Variants in LMAN2 observed in about 807,000 individuals in gnomAD.
LMAN2 encodes the protein vesicular integral-membrane protein VIP36.
A neutral mutation model predicts 39.3 loss-of-function variants in LMAN2; 22 were observed. The observed-to-expected ratio is 0.56, with a 90% CI of 0.40 to 0.80. The LOEUF is 0.80. LMAN2 is among the 30% of genes least tolerant of loss of function. The pLI is 0.00. For missense variants in LMAN2, 494 were observed against 505.4 expected (o/e 0.98, Z 0.22); for synonymous variants, 207 against 207.8 (o/e 1.00, Z 0.03).
intron 2 of LMAN2, among the ~76,000 whole-genome samples, chr5:177,342,181 T>C (rs1761564253): frequency 1.3e-5 from 2 of 152,166 alleles, no homozygotes; most frequent in African/African-American, 4.8e-5. Flanking sequence ...CATGTGAATT[T>C]ATAATTATGT....
intron 6 of LMAN2, among the ~76,000 whole-genome samples, chr5:177,336,163 G>A (rs1175506678): frequency 1.3e-5 from 2 of 152,194 alleles, no homozygotes; most frequent in African/African-American, 4.8e-5. Flanking sequence ...GAGGGGGCAC[G>A]ACATTCCACG....
chr5:177,344,768 C>T (rs959034322), intron 2 of LMAN2, among the ~76,000 whole-genome samples: 2 of 151,038 alleles, frequency 1.3e-5, no homozygotes, highest in African/African-American at 2.4e-5. Flanking sequence ...TAGCCGGGTG[C>T]GGTGGCGGGC....
At chr5:177,344,763 G>A (rs1384895914) in intron 2 of LMAN2, among the ~76,000 whole-genome samples, 4 of 151,368 alleles carry the variant, frequency 2.6e-5, no homozygotes, top group South Asian at 2.1e-4. Context: ...AAAATTAGCC[G>A]GGTGCGGTGG....
intron 2 of LMAN2, among the ~76,000 whole-genome samples, chr5:177,343,054 C>T (rs2127317803): frequency 6.6e-6 from 1 of 152,106 alleles, no homozygotes; most frequent in Non-Finnish European, 1.5e-5. Flanking sequence ...GAGATGGAGA[C>T]CGTCCTGGCT....
In LMAN2 at chr5:177,337,601, T is replaced by C. The variant is rs1247155793; in HGVS notation, c.514-77A>G. ...CAGGGGCACCCACCACCCCAATCCC[T>C]GGAGGCTCCTCTTGTGCTGGGACCA... On this transcript the variant is annotated intron_variant, in intron 4 of 7. Transcript: ENST00000303127. The surrounding 1 kb of genome is among the most constrained non-coding windows in gnomAD (Gnocchi z 8.2). 1.1e-5 allele frequency: 17 copies of C among 1,605,724 alleles called. No individual in the cohort carries two copies. Among genetic ancestry groups the C allele is most frequent in the Non-Finnish European group, 1.4e-5 (16 of 1,174,832 alleles).
chr5:177,337,324 G>A lies in LMAN2; in HGVS notation c.675+39C>T. 6.2e-7 allele frequency: 1 copy of A among 1,610,574 alleles called. No homozygotes were observed. Among genetic ancestry groups the A allele is most frequent in the South Asian group, 1.1e-5 (1 of 91,026 alleles). On this transcript the variant is annotated intron_variant, in intron 5 of 7. Transcript: ENST00000303127. This position sits in a 1 kb window ranked among gnomAD's most constrained non-coding sequence, Gnocchi z 8.2. ...CCTGAGCCTCTGTGGGACCAGCACA[G>A]GGCCACCAGCTGCCACCCCCACCGC...
intron 2 of LMAN2, among the ~76,000 whole-genome samples, chr5:177,342,342 T>TA (rs1173253544): frequency 2.8e-4 from 42 of 150,362 alleles, no homozygotes; most frequent in Non-Finnish European, 5.2e-4. Flanking sequence ...TCCATCTCTA[T>TA]AAAAAAAAAT....
In LMAN2 at chr5:177,337,528, G is replaced by C. The variant is rs956437953; in HGVS notation, c.514-4C>G. On this transcript the variant is annotated splice_polypyrimidine_tract_variant and splice_region_variant and intron_variant, in intron 4 of 7. Transcript: ENST00000303127. The surrounding 1 kb of genome is among the most constrained non-coding windows in gnomAD (Gnocchi z 8.2). ...CCGAGATGTACGGGAACACGCGCTGGGACCAAGACATCGGTTACTCCACAA... is the reference window on the plus strand; with the variant it reads ...CCGAGATGTACGGGAACACGCGCTGCGACCAAGACATCGGTTACTCCACAA... 4 of 1,613,394 alleles carry C rather than the reference G, an allele frequency of 2.5e-6. No individual in the cohort carries two copies. The African/African-American group carries it at 4.0e-5, about 16-fold the overall frequency.
chr5:177,336,337 G>T (rs1270239441), intron 6 of LMAN2, among the ~76,000 whole-genome samples: 3 of 152,182 alleles, frequency 2.0e-5, no homozygotes, highest in Non-Finnish European at 4.4e-5. Context: ...TGGCAGGGCT[G>T]GCACAGAGGC....
Position 177,332,263 on chromosome 5 carries a change from G to T in LMAN2, c.911-17C>A. ...CCACGTTGTCTGGGGGAGAAGAAAC[G>T]GGGGAGCTGAAACGGCAGCACGGGC... On this transcript the variant is annotated splice_polypyrimidine_tract_variant and intron_variant, in intron 7 of 7. Transcript: ENST00000303127. The surrounding 1 kb of genome is among the most constrained non-coding windows in gnomAD (Gnocchi z 6.3). 1 of 1,609,544 alleles carries T rather than the reference G, an allele frequency of 6.2e-7. No homozygotes were observed. Among genetic ancestry groups the T allele is most frequent in the Non-Finnish European group, 8.5e-7 (1 of 1,178,254 alleles).
At chr5:177,334,008 C>G (rs564788511) in intron 7 of LMAN2, among the ~76,000 whole-genome samples, 1 of 152,258 alleles carries the variant, frequency 6.6e-6, no homozygotes, top group Non-Finnish European at 1.5e-5. Context: ...ACAGCACTCA[C>G]GTGACTAGGA....
intron 2 of LMAN2, among the ~76,000 whole-genome samples, chr5:177,341,462 G>C (rs1428301305): frequency 6.6e-6 from 1 of 152,194 alleles, no homozygotes; most frequent in Non-Finnish European, 1.5e-5. Flanking sequence ...CGGCTTCACG[G>C]CGGGAACAGC....
At chr5:177,343,148 G>A (rs1177644060) in intron 2 of LMAN2, among the ~76,000 whole-genome samples, 8 of 152,056 alleles carry the variant, frequency 5.3e-5, no homozygotes, top group Middle Eastern at 3.2e-3. Context: ...CCAGCTATTC[G>A]GGAGGCTGAG....
chr5:177,337,230 G>T lies in LMAN2; in HGVS notation c.696C>A (p.Asp232Glu), dbSNP rs773015963. The part of the protein sequence containing the change: ...GRLTVMTDLE[D>E]KNEWKNCIDI... ...CAATGCAGTTCTTCCACTCGTTCTT[G>T]TCCTCCAGGTCGGTCATCACCTGCA... is the stretch of plus-strand genomic sequence containing the variant. The change falls in exon 6 of 8, where the codon GAC (aspartate) becomes GAA (glutamate). Residue 232 changes from aspartate (D) to glutamate (E), a missense_variant. Physicochemically the swap from Asp to Glu is conservative, Grantham distance 45. Coordinates refer to ENST00000303127, the MANE Select transcript of LMAN2 (RefSeq NM_006816.3). This position sits in a 1 kb window ranked among gnomAD's most constrained non-coding sequence, Gnocchi z 8.2. 64 of 1,613,918 alleles carry T rather than the reference G, an allele frequency of 4.0e-5. No homozygotes were observed. Among genetic ancestry groups the T allele is most frequent in the Non-Finnish European group, 5.4e-5 (64 of 1,179,960 alleles).
rs554673307 is a variant in LMAN2 at position 177,340,273 on chromosome 5, C to T, written c.316-1668G>A. On this transcript the variant is annotated intron_variant, in intron 2 of 7. Coordinates refer to ENST00000303127, the MANE Select transcript of LMAN2 (RefSeq NM_006816.3). ...ACTATTTTTTTCTAATTTTTTTCCC[C>T]GTGGTACAGCCCCAGGCAATCCTGA... Among the ~76,000 whole-genome samples, 11 of 152,212 alleles carry T rather than the reference C, an allele frequency of 7.2e-5. No homozygotes were observed. The South Asian group carries it at 1.9e-3, about 26-fold the overall frequency.
At chr5:177,333,254 C>T (rs1761417718) in intron 7 of LMAN2, among the ~76,000 whole-genome samples, 1 of 152,240 alleles carries the variant, frequency 6.6e-6, no homozygotes, top group African/African-American at 2.4e-5. Flanking sequence ...GGGGCAGGGC[C>T]TGCCTGATCT....
chr5:177,340,967 G>C (rs1381889562), intron 2 of LMAN2, among the ~76,000 whole-genome samples: 1 of 151,690 alleles, frequency 6.6e-6, no homozygotes. Flanking sequence ...GTGTTAGCCA[G>C]GATGGTCACG....
intron 2 of LMAN2, among the ~76,000 whole-genome samples, chr5:177,339,655 G>A (rs1761524036): frequency 6.6e-6 from 1 of 152,210 alleles, no homozygotes; most frequent in Non-Finnish European, 1.5e-5. Flanking sequence ...CTGTCAGACT[G>A]GCAACTGTGA....
Position 177,332,138 on chromosome 5 carries a change from A to G in LMAN2, c.1019T>C (p.Val340Ala), listed in dbSNP as rs1365703859. ...ALLGIVVCAVVGAVVFQKRQE... is the reference protein window; with the variant it reads ...ALLGIVVCAVAGAVVFQKRQE... ...CCGCTTCTGGAACACCACGGCCCCC[A>G]CCACGGCGCAGACAACGATGCCCAG... The change falls in exon 8 of 8, where the codon GTG becomes GCG. Residue 340 changes from valine (V) to alanine (A), a missense_variant. Transcript: ENST00000303127. The surrounding 1 kb of genome is among the most constrained non-coding windows in gnomAD (Gnocchi z 6.3). 2 of 1,613,446 alleles carry G rather than the reference A, an allele frequency of 1.2e-6. No individual in the cohort carries two copies. Among genetic ancestry groups the G allele is most frequent in the South Asian group, 1.1e-5 (1 of 91,078 alleles).
Sources: gnomAD v4.1 joint callset for allele counts (sites outside exome capture counted in the v4.1 genomes callset) on GRCh38, gnomAD v4.1.1 for gene constraint, Gnocchi (gnomAD v3.1) non-coding constraint, MANE v1.5 for transcripts, NCBI Gene and HGNC (gene_info 2026-07-23, HGNC 2026-07-21) for gene names.